Variants in AP3S1 observed in about 807,000 individuals in gnomAD.
AP3S1 encodes the protein adaptor related protein complex 3 subunit sigma 1.
A neutral mutation model predicts 21.3 loss-of-function variants in AP3S1; 12 were observed. The ratio of observed to expected loss-of-function variants is 0.56; its 90% CI spans 0.36 to 0.91. The LOEUF is 0.91. Ranked by LOEUF, AP3S1 falls within the 40% of genes least tolerant of loss-of-function variation. The pLI, the probability that AP3S1 is intolerant of heterozygous loss-of-function variation, is 0.01. For missense variants in AP3S1, 116 were observed against 225.0 expected (o/e 0.52, Z 3.10); for synonymous variants, 48 against 78.4 (o/e 0.61, Z 2.05).
chr5:115,913,377 G>T lies in AP3S1; in HGVS notation c.469G>T (p.Ala157Ser). 1 of 1,613,786 alleles carries T rather than the reference G, an allele frequency of 6.2e-7. No individual in the cohort carries two copies. The highest frequency in any genetic ancestry group is 8.5e-7 in the Non-Finnish European group (1 of 1,179,748). The change falls in exon 6 of 6, where the codon GCT becomes TCT. Residue 157 changes from alanine to serine, a missense_variant. Coordinates refer to ENST00000316788, the MANE Select transcript of AP3S1 (RefSeq NM_001284.4). Reference sequence around the variant, plus strand: ...CTGTATACAGGCTGGCTTAGCAGGAGCTCCAGCCCGTGCTGTATCAGCTGT... The same window carrying T: ...CTGTATACAGGCTGGCTTAGCAGGATCTCCAGCCCGTGCTGTATCAGCTGT... The part of the protein sequence containing the change: ...LEKSEAGLAG[A>S]PARAVSAVKN...
At chr5:115,877,550 A>C (rs895532674) in intron 3 of AP3S1, among the ~76,000 whole-genome samples, 2 of 152,204 alleles carry the variant, frequency 1.3e-5, no homozygotes, top group Non-Finnish European at 2.9e-5. Context: ...TTATGGCTGC[A>C]TAGTATTCCA....
At chr5:115,909,566 A>G (rs1387991441) in intron 5 of AP3S1, among the ~76,000 whole-genome samples, 1 of 152,062 alleles carries the variant, frequency 6.6e-6, no homozygotes, top group African/African-American at 2.4e-5. Context: ...TTGGATTCAT[A>G]TATTTGTTTT....
At chr5:115,894,734 C>T (rs187871258) in intron 3 of AP3S1, among the ~76,000 whole-genome samples, 1 of 152,170 alleles carries the variant, frequency 6.6e-6, no homozygotes, top group African/African-American at 2.4e-5. Context: ...TGCCTTACCT[C>T]TCTTGATGGA....
In AP3S1 at chr5:115,879,408, G is replaced by A. The variant is rs550427685; in HGVS notation, c.273+9280G>A. On this transcript the variant is annotated intron_variant, in intron 3 of 5. Transcript: ENST00000316788. Reference sequence around the variant, plus strand: ...GTTTACTGAGAGTTTTTAGTGTGAAGGGGTGTTGAATTTTATCAAAGGCCT... The same window carrying A: ...GTTTACTGAGAGTTTTTAGTGTGAAAGGGTGTTGAATTTTATCAAAGGCCT... 2.6e-5 allele frequency among the ~76,000 whole-genome samples: 4 copies of A among 152,276 alleles called. No individual in the cohort carries two copies. The East Asian group carries it at 7.7e-4, about 29-fold the overall frequency.
chr5:115,857,200 A>T lies in AP3S1; in HGVS notation c.70-9470A>T, dbSNP rs145298313. On this transcript the variant is annotated intron_variant, in intron 1 of 5. Transcript: ENST00000316788. Reference sequence around the variant, plus strand: ...TCCTTAAAAGAAAACTTCCTATGAGATTTTATTGTCCTTAGAATTGTAGAG... The same window carrying T: ...TCCTTAAAAGAAAACTTCCTATGAGTTTTTATTGTCCTTAGAATTGTAGAG... Among the ~76,000 whole-genome samples the T allele has an allele frequency of 1.1e-4, 17 of 152,324 alleles. No homozygotes were observed. The East Asian group carries it at 2.3e-3, about 21-fold the overall frequency.
intron 1 of AP3S1, among the ~76,000 whole-genome samples, chr5:115,853,918 C>G (rs554242340): frequency 1.2e-3 from 177 of 152,208 alleles, no homozygotes; most frequent in African/African-American, 4.1e-3. Context: ...TAATATGTGT[C>G]TTTGTTCATT....
intron 5 of AP3S1, among the ~76,000 whole-genome samples, chr5:115,909,775 C>A (rs750747175): frequency 7.9e-5 from 12 of 152,088 alleles, no homozygotes; most frequent in Admixed American, 3.3e-4. Context: ...TTACAGTAAT[C>A]CCCCCTTACC....
At chr5:115,895,328 C>A (rs947039737) in intron 4 of AP3S1, among the ~76,000 whole-genome samples, 170 bp downstream of exon 4, 5 of 151,934 alleles carry the variant, frequency 3.3e-5, no homozygotes, top group African/African-American at 1.2e-4. Context: ...AGATTCAGAT[C>A]CTGCCTTAGA....
chr5:115,898,986 T>G (rs1312196300), intron 4 of AP3S1, among the ~76,000 whole-genome samples: 1 of 152,120 alleles, frequency 6.6e-6, no homozygotes, highest in East Asian at 1.9e-4. Context: ...CAGGGCAAAA[T>G]GAGAGAGCTA....
At chr5:115,911,356 A>G (rs1282147596) in intron 5 of AP3S1, among the ~76,000 whole-genome samples, 2 of 151,900 alleles carry the variant, frequency 1.3e-5, no homozygotes, top group Middle Eastern at 3.4e-3. Flanking sequence ...CACACGCACA[A>G]TTTCTCTCAC....
intron 1 of AP3S1, among the ~76,000 whole-genome samples, chr5:115,845,629 T>C (rs1245503626): frequency 2.0e-5 from 3 of 150,612 alleles, no homozygotes; most frequent in African/African-American, 7.3e-5. Context: ...AGGTCAAGAG[T>C]TCAAGACCAG....
chr5:115,867,014 A>G (rs1763677228), intron 2 of AP3S1, among the ~76,000 whole-genome samples: 1 of 152,132 alleles, frequency 6.6e-6, no homozygotes, highest in Non-Finnish European at 1.5e-5. Flanking sequence ...TTCCAACATT[A>G]CAGGGAAGTA....
At chr5:115,859,422 A>G (rs1160128974) in intron 1 of AP3S1, among the ~76,000 whole-genome samples, 4 of 152,208 alleles carry the variant, frequency 2.6e-5, no homozygotes, top group African/African-American at 9.6e-5. Context: ...CTTGGGTAGT[A>G]TATTTTTAAC....
At chr5:115,871,465 T>C (rs912899570) in intron 3 of AP3S1, among the ~76,000 whole-genome samples, 1 of 152,208 alleles carries the variant, frequency 6.6e-6, no homozygotes, top group African/African-American at 2.4e-5. Context: ...AGATTTTATC[T>C]TTGTCTAAAC....
intron 4 of AP3S1, among the ~76,000 whole-genome samples, chr5:115,897,627 T>C (rs1000182981): frequency 6.6e-6 from 1 of 151,998 alleles, no homozygotes; most frequent in Non-Finnish European, 1.5e-5. Context: ...AGTGGCGATC[T>C]CGGCTTAATG....
intron 3 of AP3S1, among the ~76,000 whole-genome samples, chr5:115,878,042 G>C (rs1580683634): frequency 6.6e-6 from 1 of 152,066 alleles, no homozygotes; most frequent in Admixed American, 6.5e-5. Context: ...CTTTTTGATG[G>C]GATTGTTTGC....
intron 1 of AP3S1, among the ~76,000 whole-genome samples, chr5:115,847,246 G>C (rs1267814286): frequency 6.6e-6 from 1 of 152,206 alleles, no homozygotes; most frequent in Admixed American, 6.5e-5. Flanking sequence ...TATTCTGTTG[G>C]AAAGATGAAA....
chr5:115,887,123 T>G (rs1444987581), intron 3 of AP3S1, among the ~76,000 whole-genome samples: 1 of 152,176 alleles, frequency 6.6e-6, no homozygotes, highest in Non-Finnish European at 1.5e-5. Flanking sequence ...TAATTGTTCT[T>G]CAAAGGTAAA....
At chr5:115,867,955 G>A (rs1490963320) in intron 2 of AP3S1, among the ~76,000 whole-genome samples, 2 of 152,102 alleles carry the variant, frequency 1.3e-5, no homozygotes, top group East Asian at 1.9e-4. Flanking sequence ...CAGAGATGAG[G>A]CCTCACATCT....
Sources: allele counts gnomAD v4.1 joint callset (sites outside exome capture counted in the v4.1 genomes callset), GRCh38; gene constraint gnomAD v4.1.1; transcripts MANE v1.5; gene names NCBI Gene and HGNC (gene_info 2026-07-23, HGNC 2026-07-21).